The following SEC31B variants were observed in gnomAD, a reference collection of about 807,000 sequenced individuals.
SEC31B encodes SEC31 homolog B, COPII component.
SEC31B carries 113 observed loss-of-function variants against 135.0 expected under a neutral mutation model. The ratio of observed to expected loss-of-function variants is 0.84; its 90% CI spans 0.72 to 0.98. The LOEUF (loss-of-function observed/expected upper bound fraction) is 0.98. Ranked by LOEUF, SEC31B falls within the 50% of genes least tolerant of loss-of-function variation. The pLI is 0.00. For synonymous variants in SEC31B, 508 were observed against 549.4 expected (o/e 0.92, Z 1.05); for missense variants, 1,296 against 1,421.1 (o/e 0.91, Z 1.42).
At chr10:100,499,287 CT>C (rs1851472148) in intron 12 of SEC31B, 29 bp from the exon 13 acceptor site, 1 of 1,542,188 alleles carries the variant, frequency 6.5e-7, no homozygotes, top group Non-Finnish European at 8.9e-7. Flanking sequence ...GAAAACCGCT[CT>C]TTCAAGCGTA....
intron 3 of SEC31B, among the ~76,000 whole-genome samples, chr10:100,514,991 A>T (rs1851802034): frequency 6.6e-6 from 1 of 151,438 alleles, no homozygotes; most frequent in South Asian, 2.1e-4. Flanking sequence ...AAAAAAAAAA[A>T]AAAAAAAAAT....
At chr10:100,507,820 G>C (rs764569692) in intron 6 of SEC31B, 88 bp downstream of exon 6, 40 of 1,559,466 alleles carry the variant, frequency 2.6e-5, no homozygotes, top group Non-Finnish European at 3.4e-5. Context: ...CTGAAAGCAG[G>C]ACTCTGGCCT....
chr10:100,505,898 A>G lies in SEC31B; in HGVS notation c.1044+142T>C, dbSNP rs1851620306. ...CTAACATCCTTTCAGGAAGATGGGC[A>G]CTAGGGCAAAGGTGCAGCCCTCCCA... On this transcript the variant is annotated intron_variant, in intron 9 of 25. Transcript: ENST00000370345. The G allele has an allele frequency of 2.0e-6, 3 of 1,515,646 alleles. No individual in the cohort carries two copies. The African/African-American group carries it at 4.2e-5, about 21-fold the overall frequency. The allele number at this position is 1,515,646 out of a possible 1,614,324, so 93.9% of individuals were successfully genotyped here. A position where few individuals can be genotyped will look rare whatever the true frequency, so the allele number is the denominator to read the frequency against.
At chr10:100,516,322 T>C in intron 2 of SEC31B, 103 bp from the exon 3 acceptor site, 1 of 1,339,896 alleles carries the variant, frequency 7.5e-7, no homozygotes, top group Non-Finnish European at 1.0e-6. Context: ...GAGGGCTGGG[T>C]ATACCCTTTC....
intron 7 of SEC31B, 72 bp from the exon 8 acceptor site, chr10:100,506,492 T>C (rs1297735439): frequency 7.8e-7 from 1 of 1,276,730 alleles, no homozygotes; most frequent in Non-Finnish European, 1.1e-6. Context: ...TATATGTCTT[T>C]TATACATTTT....
chr10:100,506,573 G>A, intron 7 of SEC31B, 153 bp from the exon 8 acceptor site: 1 of 697,842 alleles, frequency 1.4e-6, no homozygotes, highest in Non-Finnish European at 2.3e-6. Flanking sequence ...TGAATAAAAT[G>A]AGGTTTTGAA....
intron 13 of SEC31B, 125 bp downstream of exon 13, chr10:100,499,034 GT>G (rs1851467003): frequency 1.2e-5 from 9 of 780,244 alleles, no homozygotes; most frequent in African/African-American, 3.4e-5. Flanking sequence ...AGAGTGAGGA[GT>G]CTGAAGACTT....
At chr10:100,497,509 C>T in intron 16 of SEC31B, 158 bp downstream of exon 16, 2 of 1,510,804 alleles carry the variant, frequency 1.3e-6, no homozygotes, top group Non-Finnish European at 1.8e-6. Context: ...GGGGCATGCA[C>T]TGTGGTCCCT....
At chr10:100,516,257 A>G (rs770944777) in intron 2 of SEC31B, 38 bp from the exon 3 acceptor site, 4 of 1,607,006 alleles carry the variant, frequency 2.5e-6, no homozygotes, top group Non-Finnish European at 2.5e-6. Flanking sequence ...GCAACAATAT[A>G]TGCATGGATT....
chr10:100,489,675 G>A, intron 22 of SEC31B, 28 bp downstream of exon 22: 1 of 1,614,142 alleles, frequency 6.2e-7, no homozygotes, highest in Non-Finnish European at 8.5e-7. Context: ...GAATGTGCGA[G>A]GGAGTGGGTA....
At position 100,497,263 on chromosome 10, in the gene SEC31B, T is replaced by A; in HGVS notation, c.2008A>T (p.Met670Leu). 3 of 1,614,088 alleles carry A rather than the reference T, an allele frequency of 1.9e-6. No individual in the cohort carries two copies. Among genetic ancestry groups the A allele is most frequent in the Middle Eastern group, 3.3e-4 (2 of 6,062 alleles). Residue 670 changes from methionine to leucine, a missense_variant, in exon 17 of 26, where the codon ATG becomes TTG. Met to Leu is a conservative substitution (Grantham distance 15). Transcript: ENST00000370345. ...PELCDMLGTR[M>L]EQEGSRALTS... ...AGTGCCCTGCTGCCCTCCTGTTCCA[T>A]GCGAGTTCCCAGCATGTCTGCAGAG...
rs180751299 is a variant in SEC31B at position 100,488,907 on chromosome 10, C to T, written c.3239G>A (p.Ser1080Asn). ...GCGTTGGAGAAGCGCCTCAAAGCTG[C>T]TCTTCAAGGACTGATGCTCTGGGGG... ...ELPPEHQSLKSSFEALLQRCS... is the reference protein window; with the variant it reads ...ELPPEHQSLKNSFEALLQRCS... The change falls in exon 24 of 26, where the codon AGC becomes AAC. Residue 1080 changes from serine (S) to asparagine (N), a missense_variant. Coordinates refer to ENST00000370345, the MANE Select transcript of SEC31B (RefSeq NM_015490.4). 4.2e-5 allele frequency: 68 copies of T among 1,611,172 alleles called. No homozygotes were observed. In the East Asian group the frequency reaches 1.1e-3, roughly 26 times the overall value.
Position 100,509,456 on chromosome 10 carries a change from C to T in SEC31B, c.259G>A (p.Val87Ile), listed in dbSNP as rs753223702. ...CCATTGTCCCCGCCGCCAACAATAA[C>T]CCCGGAGCTTTCCAGAAGCCCACTG... ...FGSGLLESSG[V>I]IVGGGDNGML... is the part of the protein sequence containing the mutation. Residue 87 changes from valine to isoleucine, a missense_variant, in exon 4 of 26, where the codon GTT (valine) becomes ATT (isoleucine). Val to Ile is a conservative substitution (Grantham distance 29). Transcript: ENST00000370345. 12 of 1,613,944 alleles carry T rather than the reference C, an allele frequency of 7.4e-6. No homozygotes were observed. The highest frequency in any genetic ancestry group is 2.2e-5 in the South Asian group (2 of 91,088).
rs781054342 is a variant in SEC31B, at chr10:100,490,030, A to T, written c.2943T>A (p.Thr981=). The T allele has an allele frequency of 1.0e-5, 16 of 1,546,656 alleles. No individual in the cohort carries two copies. The highest frequency in any genetic ancestry group is 1.1e-5 in the Non-Finnish European group (13 of 1,152,172). ...GACCTGGGTGAGGAGTCAAGATGCC[A>T]GTGGTTGGGAGGACACTAGAGCATG... is the stretch of plus-strand genomic sequence containing the variant. ...GAPCSSVLPT[T]GILTPHPGPQ... is the part of the protein sequence containing the mutation. Residue 981 remains threonine, a synonymous_variant, in exon 21 of 26, where the codon ACT becomes ACA. Transcript: ENST00000370345.
At position 100,499,014 on chromosome 10, in the gene SEC31B, T is replaced by C. The variant is rs140249096; in HGVS notation, c.1584+146A>G. On this transcript the variant is annotated intron_variant, in intron 13 of 25. Transcript: ENST00000370345. ...AGCTTAGGGACTCTGTGTCTCACTC[T>C]GGTTCTAAGAGAGTGAGGAGTCTGA... 88 of 716,526 alleles carry C rather than the reference T, an allele frequency of 1.2e-4. No homozygotes were observed. The African/African-American group carries it at 1.4e-3, about 12-fold the overall frequency. The allele number at this position is 716,526 out of a possible 1,614,324, so 44.4% of individuals were successfully genotyped here. A position where few individuals can be genotyped will look rare whatever the true frequency, so the allele number is the denominator to read the frequency against.
Position 100,498,287 on chromosome 10 carries a change from C to T in SEC31B, c.1685-80G>A. On this transcript the variant is annotated intron_variant, in intron 14 of 25. Transcript: ENST00000370345. Reference sequence around the variant, plus strand: ...CCCCCTGCAGGGCCCACAGCACACCCTCTATATCTCTATATCACTCAGTGT... The same window carrying T: ...CCCCCTGCAGGGCCCACAGCACACCTTCTATATCTCTATATCACTCAGTGT... 3.3e-6 allele frequency: 4 copies of T among 1,223,972 alleles called. No homozygotes were observed. The South Asian group carries it at 4.1e-5, about 13-fold the overall frequency. 75.8% of individuals were successfully genotyped at this position (1,223,972 alleles called of 1,614,324 possible).
At chr10:100,490,636 G>T in intron 20 of SEC31B, 70 bp downstream of exon 20, 1 of 1,416,018 alleles carries the variant, frequency 7.1e-7, no homozygotes, top group Non-Finnish European at 9.4e-7. Context: ...CCAAATCCAT[G>T]CTGGCCATGC....
At chr10:100,502,870 T>A (rs1026443016) in intron 10 of SEC31B, among the ~76,000 whole-genome samples, 1 of 152,160 alleles carries the variant, frequency 6.6e-6, no homozygotes, top group Non-Finnish European at 1.5e-5. Flanking sequence ...GTCCCCTCCA[T>A]CCCATTCCCA....
At chr10:100,489,572 A>G in intron 22 of SEC31B, 131 bp downstream of exon 22, 1 of 1,420,380 alleles carries the variant, frequency 7.0e-7, no homozygotes, top group Non-Finnish European at 9.7e-7. Flanking sequence ...GAGGGTTCTG[A>G]GGAAAGAAGA....
Sources: allele counts gnomAD v4.1 joint callset (sites outside exome capture counted in the v4.1 genomes callset), GRCh38; gene constraint gnomAD v4.1.1; transcripts MANE v1.5; gene names NCBI Gene and HGNC (gene_info 2026-07-23, HGNC 2026-07-21).